HIVEP2: variants seen among roughly 807,000 people sequenced by gnomAD.
HIVEP2 encodes the protein transcription factor HIVEP2.
Under a neutral mutation model 180.7 loss-of-function variants are expected in HIVEP2, and 14 were observed. The ratio of observed to expected loss-of-function variants is 0.08; its 90% CI spans 0.05 to 0.12. The LOEUF (loss-of-function observed/expected upper bound fraction) is 0.12, where lower values mean the gene tolerates loss of function less well. Ranked by LOEUF, HIVEP2 falls within the 10% of genes least tolerant of loss-of-function variation. The pLI, the probability that HIVEP2 is intolerant of heterozygous loss-of-function variation, is 1.00. For synonymous variants in HIVEP2, 1,184 were observed against 1,136.4 expected (o/e 1.04, Z -0.84); for missense variants, 2,579 against 3,008.5 (o/e 0.86, Z 3.34).
intron 1 of HIVEP2, among the ~76,000 whole-genome samples, chr6:142,938,696 C>G (rs919814112): frequency 3.9e-5 from 6 of 152,212 alleles, no homozygotes. Context: ...CCACATTTAC[C>G]TACTGCCCTA....
At chr6:142,891,446 A>T (rs1776859763) in intron 1 of HIVEP2, among the ~76,000 whole-genome samples, 1 of 151,390 alleles carries the variant, frequency 6.6e-6, no homozygotes, top group African/African-American at 2.4e-5. Flanking sequence ...TAATAATTTT[A>T]AAAAGTGTTC....
intron 1 of HIVEP2, among the ~76,000 whole-genome samples, chr6:142,881,236 C>T (rs896258330): frequency 1.3e-5 from 2 of 152,134 alleles, no homozygotes; most frequent in African/African-American, 4.8e-5. Flanking sequence ...TGGCCTTATC[C>T]AGTTCACACG....
rs532591261 is a variant in HIVEP2 at position 142,826,066 on chromosome 6, C to T, written c.-528+10869G>A. Among the ~76,000 whole-genome samples, 18 of 152,246 alleles carry T rather than the reference C, an allele frequency of 1.2e-4. No individual in the cohort carries two copies. In the South Asian group the frequency reaches 1.7e-3, roughly 14 times the overall value. ...AAATCCTAAGTGAACAGATCTTCCA[C>T]GCTAAACAGACCAATCATGTTTCTT... is the stretch of plus-strand genomic sequence containing the variant. On this transcript the variant is annotated intron_variant, in intron 2 of 9. Transcript: ENST00000367603.
At chr6:142,857,640 C>G (rs1333039504) in intron 1 of HIVEP2, among the ~76,000 whole-genome samples, 1 of 152,236 alleles carries the variant, frequency 6.6e-6, no homozygotes, top group Non-Finnish European at 1.5e-5. Context: ...GACTAGTTTC[C>G]TGTTTTTCTC....
rs1440885967 is a variant in HIVEP2 at position 142,846,424 on chromosome 6, T to A, written c.-640-9377A>T. ...TACAGCTAAGTGAGATGTGACATTC[T>A]CCCGGTCCCCTTAATAGGGCATTAA... On this transcript the variant is annotated intron_variant, in intron 1 of 9. Transcript: ENST00000367603. 4.6e-5 allele frequency among the ~76,000 whole-genome samples: 7 copies of A among 152,186 alleles called. No homozygotes were observed. In the East Asian group the frequency reaches 1.3e-3, roughly 29 times the overall value.
chr6:142,899,518 C>A (rs1777080112), intron 1 of HIVEP2, among the ~76,000 whole-genome samples: 2 of 152,186 alleles, frequency 1.3e-5, no homozygotes, highest in Non-Finnish European at 2.9e-5. Context: ...CAATAGTCAA[C>A]AATACTTGAA....
At chr6:142,826,995 T>C (rs1307267070) in intron 2 of HIVEP2, among the ~76,000 whole-genome samples, 3 of 152,292 alleles carry the variant, frequency 2.0e-5, no homozygotes, top group Admixed American at 1.3e-4. Context: ...GAATGAATGA[T>C]TGTAAACACG....
rs761669578 is a variant in HIVEP2, at chr6:142,770,280, G to A, written c.4459C>T (p.Leu1487Phe). Residue 1487 changes from leucine to phenylalanine, a missense_variant, in exon 5 of 10, where the codon CTC becomes TTC. By Grantham distance (22) the Leu-to-Phe change is conservative. Transcript: ENST00000367603. The surrounding 1 kb of genome is among the most constrained non-coding windows in gnomAD (Gnocchi z 4.7). ...ELTNSDIKKD[L>F]SRPQKPQLVR... ...AGCTGGGGTTTCTGGGGGCGGGAGA[G>A]GTCCTTTTTGATGTCTGAGTTGGTC... is the stretch of plus-strand genomic sequence containing the variant. 10 of 1,614,170 alleles carry A rather than the reference G, an allele frequency of 6.2e-6. No individual in the cohort carries two copies. Among genetic ancestry groups the A allele is most frequent in the Non-Finnish European group, 8.5e-6 (10 of 1,180,040 alleles).
At chr6:142,903,296 C>T (rs1777176512) in intron 1 of HIVEP2, among the ~76,000 whole-genome samples, 1 of 152,190 alleles carries the variant, frequency 6.6e-6, no homozygotes, top group Non-Finnish European at 1.5e-5. Flanking sequence ...TTTAAACCAC[C>T]ATTTCCCTTC....
rs781029613 is a variant in HIVEP2, at chr6:142,760,525, A to G, written c.5763T>C (p.Phe1921=). Residue 1921 remains phenylalanine, a synonymous_variant, in exon 9 of 10, where the codon TTT becomes TTC. Coordinates refer to ENST00000367603, the MANE Select transcript of HIVEP2 (RefSeq NM_006734.4). ...NDDDDEDEDD[F]DDQGDLTPKT... Reference sequence around the variant, plus strand: ...TTGGTGTTAAATCTCCCTGGTCGTCAAAGTCATCTTCATCTTCATCATCAT... The same window carrying G: ...TTGGTGTTAAATCTCCCTGGTCGTCGAAGTCATCTTCATCTTCATCATCAT... The G allele has an allele frequency of 9.9e-6, 16 of 1,613,998 alleles. No homozygotes were observed. In the East Asian group the frequency reaches 3.3e-4, roughly 34 times the overall value.
intron 1 of HIVEP2, among the ~76,000 whole-genome samples, chr6:142,871,752 G>A (rs1386484696): frequency 6.6e-6 from 1 of 152,020 alleles, no homozygotes; most frequent in Non-Finnish European, 1.5e-5. Context: ...TAATGACTTA[G>A]TTTGCCTATC....
At chr6:142,933,845 G>C (rs907120056) in intron 1 of HIVEP2, among the ~76,000 whole-genome samples, 3 of 152,152 alleles carry the variant, frequency 2.0e-5, no homozygotes, top group Admixed American at 6.5e-5. Flanking sequence ...TTGAAGTTGG[G>C]CACCAAGTTT....
intron 1 of HIVEP2, among the ~76,000 whole-genome samples, chr6:142,857,444 G>A (rs531719852): frequency 3.3e-5 from 5 of 152,206 alleles, no homozygotes; most frequent in Admixed American, 2.0e-4. Context: ...AGCACCATCC[G>A]GCCATAATGA....
intron 1 of HIVEP2, among the ~76,000 whole-genome samples, chr6:142,854,153 G>A (rs914476537): frequency 1.2e-4 from 18 of 152,266 alleles, no homozygotes; most frequent in African/African-American, 4.3e-4. Flanking sequence ...GTTAGCCTGT[G>A]GTAGTTCTCA....
chr6:142,874,800 C>T (rs1403882047), intron 1 of HIVEP2, among the ~76,000 whole-genome samples: 2 of 152,052 alleles, frequency 1.3e-5, no homozygotes, highest in African/African-American at 4.8e-5. Flanking sequence ...GATCAGAGGG[C>T]TTAGAGACAC....
intron 2 of HIVEP2, among the ~76,000 whole-genome samples, chr6:142,785,707 A>T (rs551433909): frequency 6.6e-6 from 1 of 152,318 alleles, no homozygotes. Flanking sequence ...GGCTACTGGA[A>T]ATGGTAAACA....
chr6:142,858,047 G>C (rs919614306), intron 1 of HIVEP2, among the ~76,000 whole-genome samples: 13 of 152,122 alleles, frequency 8.5e-5, no homozygotes, highest in African/African-American at 3.1e-4. Context: ...GGGGAAGAGA[G>C]GCTGTTCCCC....
intron 9 of HIVEP2, among the ~76,000 whole-genome samples, chr6:142,755,066 G>C (rs1241200845): frequency 6.6e-6 from 1 of 152,156 alleles, no homozygotes; most frequent in South Asian, 2.1e-4. Context: ...CAAAGAAACT[G>C]TTCTATTTCA....
At chr6:142,794,601 T>C (rs1776237712) in intron 2 of HIVEP2, among the ~76,000 whole-genome samples, 1 of 152,162 alleles carries the variant, frequency 6.6e-6, no homozygotes, top group South Asian at 2.1e-4. Flanking sequence ...AATAATATGG[T>C]CAAATTATAT....
Sources: gnomAD v4.1 joint callset for allele counts (sites outside exome capture counted in the v4.1 genomes callset) on GRCh38, gnomAD v4.1.1 for gene constraint, Gnocchi (gnomAD v3.1) non-coding constraint, MANE v1.5 for transcripts, NCBI Gene and HGNC (gene_info 2026-07-23, HGNC 2026-07-21) for gene names.